The following CD44 variants were observed in gnomAD, a reference collection of about 807,000 sequenced individuals.
CD44 encodes the protein CD44 molecule (IN blood group), also known as CD44 antigen.
In CD44, 49 loss-of-function variants were observed where a neutral mutation model predicts 88.8. That is an observed-to-expected ratio of 0.55 (90% CI 0.44 to 0.70). The LOEUF is 0.70. Ranked by LOEUF, CD44 falls within the 30% of genes least tolerant of loss-of-function variation. The pLI is 0.00. For missense variants in CD44, 883 were observed against 913.8 expected (o/e 0.97, Z 0.43); for synonymous variants, 325 against 312.3 (o/e 1.04, Z -0.43).
In CD44 at chr11:35,204,623, C is replaced by T. The variant is rs146499680; in HGVS notation, c.1265C>T (p.Ser422Leu). The T allele has an allele frequency of 2.5e-4, 410 of 1,612,888 alleles. 1 individual carries two copies. Among genetic ancestry groups the T allele is most frequent in the Non-Finnish European group, 2.7e-4 (324 of 1,179,220 alleles). ...YRQTPKEDSH[S>L]TTGTAAASAH... ...CAAACACCCAAAGAAGACTCCCATTCGACAACAGGGACAGCTGGTAATGGA... is the reference window on the plus strand; with the variant it reads ...CAAACACCCAAAGAAGACTCCCATTTGACAACAGGGACAGCTGGTAATGGA... The change falls in exon 10 of 18, where the codon TCG becomes TTG. Residue 422 changes from serine to leucine, a missense_variant. By Grantham distance (145) the Ser-to-Leu change is moderately radical. Coordinates refer to ENST00000428726, the MANE Select transcript of CD44 (RefSeq NM_000610.4).
In CD44 at chr11:35,196,882, GTTA is replaced by G. The variant is rs1204085531; in HGVS notation, c.796+16_796+18del. On this transcript the variant is annotated intron_variant, in intron 6 of 17. Transcript: ENST00000428726. ...CAACAACACAAATGGCTGGTAATGAGTTATTATTATCTCATAGCGTATGTTTTC... is the reference window on the plus strand; with the variant it reads ...CAACAACACAAATGGCTGGTAATGAGTTATTATCTCATAGCGTATGTTTTC... 6.2e-7 allele frequency: 1 copy of G among 1,612,498 alleles called. No homozygotes were observed. Among genetic ancestry groups the G allele is most frequent in the East Asian group, 2.2e-5 (1 of 44,788 alleles).
At chr11:35,163,662 C>A (rs1942916025) in intron 1 of CD44, among the ~76,000 whole-genome samples, 1 of 152,150 alleles carries the variant, frequency 6.6e-6, no homozygotes, top group South Asian at 2.1e-4. Flanking sequence ...CTATGAAATT[C>A]TCCCTGTCTT....
At chr11:35,184,715 T>C (rs1471886929) in intron 3 of CD44, among the ~76,000 whole-genome samples, 2 of 152,240 alleles carry the variant, frequency 1.3e-5, no homozygotes, top group Non-Finnish European at 2.9e-5. Flanking sequence ...TCTCCTTTTA[T>C]ATGGTCTGGC....
At chr11:35,171,917 A>C (rs1040300863) in intron 1 of CD44, among the ~76,000 whole-genome samples, 7 of 152,186 alleles carry the variant, frequency 4.6e-5, no homozygotes, top group African/African-American at 1.7e-4. Context: ...AGAAATTCTC[A>C]AAAAAATTGC....
intron 1 of CD44, among the ~76,000 whole-genome samples, chr11:35,153,467 C>A (rs769159955): frequency 1.2e-4 from 18 of 152,122 alleles, no homozygotes; most frequent in Admixed American, 8.5e-4. Flanking sequence ...AGCAACCTGA[C>A]CTTTGACTTG....
intron 7 of CD44, among the ~76,000 whole-genome samples, chr11:35,199,948 T>TTG (rs1947149503): frequency 1.3e-5 from 2 of 149,434 alleles, no homozygotes; most frequent in Admixed American, 6.7e-5. Context: ...TTTTTTTTTT[T>TTG]TTTTTTTTTT....
chr11:35,151,201 G>T (rs1490634519), intron 1 of CD44, among the ~76,000 whole-genome samples: 1 of 152,096 alleles, frequency 6.6e-6, no homozygotes, highest in Admixed American at 6.5e-5. Context: ...GCTTGATTGG[G>T]GCCAGGGGAG....
Position 35,189,043 on chromosome 11 carries a change from C to A in CD44, c.437-792C>A, listed in dbSNP as rs116892043. On this transcript the variant is annotated intron_variant, in intron 4 of 17. Coordinates refer to ENST00000428726, the MANE Select transcript of CD44 (RefSeq NM_000610.4). ...GAAAATAATTTCATCTAAATGCACA[C>A]CTGCATAGTGAGTGGCCCAGACTTG... 7.4e-3 allele frequency among the ~76,000 whole-genome samples: 1,120 copies of A among 152,282 alleles called. 6 individuals are homozygous for A. The highest frequency in any genetic ancestry group is 0.012 in the Admixed American group (179 of 15,290).
At chr11:35,194,843 A>T (rs192322788) in intron 5 of CD44, among the ~76,000 whole-genome samples, 1 of 152,352 alleles carries the variant, frequency 6.6e-6, no homozygotes, top group East Asian at 1.9e-4. Flanking sequence ...AAAAACTACA[A>T]ATGAATGAAT....
At chr11:35,168,199 C>A (rs763728865) in intron 1 of CD44, among the ~76,000 whole-genome samples, 1 of 152,142 alleles carries the variant, frequency 6.6e-6, no homozygotes, top group Non-Finnish European at 1.5e-5. Flanking sequence ...TTCATGATCA[C>A]CTCTCCACAC....
chr11:35,217,716 A>G (rs1948951273), intron 15 of CD44, among the ~76,000 whole-genome samples: 1 of 152,194 alleles, frequency 6.6e-6, no homozygotes, highest in African/African-American at 2.4e-5. Context: ...GTTTGGCTCC[A>G]TGAGGAAAGC....
chr11:35,180,124 G>A, intron 2 of CD44, 150 bp from the exon 3 acceptor site: 1 of 652,814 alleles, frequency 1.5e-6, no homozygotes, highest in South Asian at 2.2e-5. Context: ...GTTATTTTTG[G>A]ATTTCAAATA....
chr11:35,219,235 G>T lies in CD44; in HGVS notation c.1874-81G>T, dbSNP rs967095765. ...TTCTCAGTGATTCAGAATGTGGAGAGCTGCCCTTTATGCAGCTCCACAAGG... is the reference window on the plus strand; with the variant it reads ...TTCTCAGTGATTCAGAATGTGGAGATCTGCCCTTTATGCAGCTCCACAAGG... On this transcript the variant is annotated intron_variant, in intron 15 of 17. Coordinates refer to ENST00000428726, the MANE Select transcript of CD44 (RefSeq NM_000610.4). The T allele has an allele frequency of 6.1e-6, 6 of 991,358 alleles. No individual in the cohort carries two copies. In the East Asian group the frequency reaches 1.2e-4, roughly 20 times the overall value. 61.4% of individuals were successfully genotyped at this position (991,358 alleles called of 1,614,324 possible). A position where few individuals can be genotyped will look rare whatever the true frequency, so the allele number is the denominator to read the frequency against.
rs1316542814 is a variant in CD44, at chr11:35,211,373, A to G, written c.1734A>G (p.Ser578=). The change falls in exon 14 of 18, where the codon TCA becomes TCG. Residue 578 remains serine, a synonymous_variant. Transcript: ENST00000428726. Reference sequence around the variant, plus strand: ...GCAGGACCTTCATCCCAGTGACCTCAGCTAAGACTGGGTCCTTTGGAGTTA... The same window carrying G: ...GCAGGACCTTCATCCCAGTGACCTCGGCTAAGACTGGGTCCTTTGGAGTTA... ...KESRTFIPVT[S]AKTGSFGVTA... 3.7e-6 allele frequency: 6 copies of G among 1,613,944 alleles called. No homozygotes were observed. Among genetic ancestry groups the G allele is most frequent in the Non-Finnish European group, 5.1e-6 (6 of 1,179,818 alleles).
chr11:35,146,740 G>T (rs532565195), intron 1 of CD44, among the ~76,000 whole-genome samples: 1 of 152,222 alleles, frequency 6.6e-6, no homozygotes, highest in African/African-American at 2.4e-5. Flanking sequence ...TGCTTCTCTT[G>T]GTATATTAAG....
Position 35,180,354 on chromosome 11 carries a change from A to G in CD44, c.314A>G (p.Tyr105Cys). 6.2e-7 allele frequency: 1 copy of G among 1,614,140 alleles called. No individual in the cohort carries two copies. Among genetic ancestry groups the G allele is most frequent in the Non-Finnish European group, 8.5e-7 (1 of 1,179,972 alleles). The change falls in exon 3 of 18, where the codon TAC (tyrosine) becomes TGC (cysteine). Residue 105 changes from tyrosine (Y) to cysteine (C), a missense_variant. Coordinates refer to ENST00000428726, the MANE Select transcript of CD44 (RefSeq NM_000610.4). ...SICAANNTGV[Y>C]ILTSNTSQYD... ...TGTGCAGCAAACAACACAGGGGTGTACATCCTCACATCCAACACCTCCCAG... is the reference window on the plus strand; with the variant it reads ...TGTGCAGCAAACAACACAGGGGTGTGCATCCTCACATCCAACACCTCCCAG...
intron 2 of CD44, among the ~76,000 whole-genome samples, chr11:35,178,472 G>C (rs1221701331): frequency 6.6e-6 from 1 of 152,324 alleles, no homozygotes; most frequent in Middle Eastern, 3.4e-3. Context: ...TAGGATTCTG[G>C]TTCTGCTTAG....
chr11:35,153,759 A>T (rs1941492608), intron 1 of CD44, among the ~76,000 whole-genome samples: 1 of 152,154 alleles, frequency 6.6e-6, no homozygotes, highest in Non-Finnish European at 1.5e-5. Flanking sequence ...TAATAGGGAG[A>T]TCTCATCTGA....
rs1283141696 is a variant in CD44, at chr11:35,231,761, TAA to T, written c.*2429_*2430del. The stretch of plus-strand genomic sequence containing the variant: ...CCAATGATTTTCAGGTGACCTGGGC[TAA>T]GTCATTTAAACTGGGTCTTTATAAA... On this transcript the variant is annotated 3_prime_UTR_variant, in exon 18 of 18. Coordinates refer to ENST00000428726, the MANE Select transcript of CD44 (RefSeq NM_000610.4). The T allele has an allele frequency of 6.6e-6, 1 of 152,216 alleles. No individual in the cohort carries two copies. The highest frequency in any genetic ancestry group is 1.5e-5 in the Non-Finnish European group (1 of 68,028). The allele number at this position is 152,216 out of a possible 1,614,324, so 9.4% of individuals were successfully genotyped here.
Sources: gnomAD v4.1 joint callset for allele counts (sites outside exome capture counted in the v4.1 genomes callset) on GRCh38, gnomAD v4.1.1 for gene constraint, MANE v1.5 for transcripts, NCBI Gene and HGNC (gene_info 2026-07-23, HGNC 2026-07-21) for gene names.